Variants in MYO15A observed in about 807,000 individuals in gnomAD.
The protein encoded by MYO15A is myosin XVA.
MYO15A carries 308 observed loss-of-function variants against 394.6 expected under a neutral mutation model. The observed-to-expected ratio is 0.78, with a 90% CI of 0.71 to 0.86. The LOEUF is 0.86. Ranked by LOEUF, MYO15A falls within the 40% of genes least tolerant of loss-of-function variation. The pLI, the probability that MYO15A is intolerant of heterozygous loss-of-function variation, is 0.00. For synonymous variants in MYO15A, 1,957 were observed against 2,003.8 expected, an observed-to-expected ratio of 0.98 and a Z score of 0.62; for missense variants, 4,606 against 4,799.1, an observed-to-expected ratio of 0.96 and a Z score of 1.19.
At chr17:18,161,221 TGA>T (rs1198365540) in intron 56 of MYO15A, 94 bp from the exon 57 acceptor site, 1 of 1,509,120 alleles carries the variant, frequency 6.6e-7, no homozygotes, top group Non-Finnish European at 9.0e-7. Flanking sequence ...AGGAGCTGCC[TGA>T]GAGTTGGAAT....
chr17:18,122,606 C>G (rs2045960055), intron 2 of MYO15A, 197 bp downstream of exon 2: 5 of 753,684 alleles, frequency 6.6e-6, no homozygotes, highest in Non-Finnish European at 6.2e-6. Flanking sequence ...ATGCCCAGCA[C>G]AGGCAGGCCC....
chr17:18,120,403 C>T lies in MYO15A; in HGVS notation c.1603C>T (p.Leu535Phe), dbSNP rs868815862. The T allele has an allele frequency of 3.1e-6, 5 of 1,607,262 alleles. No individual in the cohort carries two copies. The highest frequency in any genetic ancestry group is 4.2e-6 in the Non-Finnish European group (5 of 1,178,162). ...VPYGHPFWGF[L>F]TPRQRNLQRA... ...CTACGGCCACCCTTTCTGGGGCTTC[C>T]TCACGCCGCGCCAGCGCAACCTCCA... The change falls in exon 2 of 66, where the codon CTC (leucine) becomes TTC (phenylalanine). Residue 535 changes from leucine to phenylalanine, a missense_variant. Leu to Phe is a conservative substitution (Grantham distance 22, BLOSUM62 0). Transcript: ENST00000647165.
intron 29 of MYO15A, 89 bp downstream of exon 29, chr17:18,144,681 C>G (rs2046445147): frequency 7.9e-7 from 1 of 1,266,846 alleles, no homozygotes; most frequent in African/African-American, 1.5e-5. Context: ...CAGCCCTCCC[C>G]AAGCCCAACC....
At chr17:18,149,855 A>G in intron 35 of MYO15A, 1 of 453,914 alleles carries the variant, frequency 2.2e-6, no homozygotes. Flanking sequence ...TAGGAGGCTG[A>G]GATGGGAGGA....
chr17:18,157,940 G>T, intron 51 of MYO15A, 40 bp downstream of exon 51: 1 of 1,431,542 alleles, frequency 7.0e-7, no homozygotes, highest in Non-Finnish European at 9.2e-7. Context: ...GGTAGACCAG[G>T]GGGAAGGGGC....
intron 61 of MYO15A, 138 bp downstream of exon 61, chr17:18,166,659 C>T: frequency 8.3e-7 from 1 of 1,208,232 alleles, no homozygotes; most frequent in Non-Finnish European, 1.2e-6. Flanking sequence ...TGTCTCTGCT[C>T]CCCTATGTGG....
rs2046667751 is a variant in MYO15A at position 18,155,972 on chromosome 17, G to A, written c.8460-223G>A. The stretch of plus-strand genomic sequence containing the variant: ...CTTGGACCAAGGGACAAAGGGTGGA[G>A]AGGGGCCGGAGTGTCAGCCCAAAGG... On this transcript the variant is annotated intron_variant, in intron 47 of 65. Coordinates refer to ENST00000647165, the MANE Select transcript of MYO15A (RefSeq NM_016239.4). The A allele has an allele frequency of 2.2e-5, 13 of 601,930 alleles. No individual in the cohort carries two copies. In the South Asian group the frequency reaches 2.5e-4, roughly 11 times the overall value. 37.3% of individuals were successfully genotyped at this position (601,930 alleles called of 1,614,324 possible). A position where few individuals can be genotyped will look rare whatever the true frequency, so the allele number is the denominator to read the frequency against.
intron 50 of MYO15A, chr17:18,157,448 G>C: frequency 1.1e-6 from 1 of 906,420 alleles, no homozygotes; most frequent in Non-Finnish European, 1.7e-6. Flanking sequence ...CATGTTTGTG[G>C]CCTGAATCTC....
chr17:18,120,286 C>T lies in MYO15A; in HGVS notation c.1486C>T (p.Pro496Ser). Reference sequence around the variant, plus strand: ...GTTTGGGAAGGAGAAGCTGGAGGTGCCCCTGCCACCCTCTCTGGACATTCC... The same window carrying T: ...GTTTGGGAAGGAGAAGCTGGAGGTGTCCCTGCCACCCTCTCTGGACATTCC... ...KLFGKEKLEVPLPPSLDIPLP... is the reference protein window; with the variant it reads ...KLFGKEKLEVSLPPSLDIPLP... Residue 496 changes from proline (P) to serine (S), a missense_variant, in exon 2 of 66, where the codon CCC (proline) becomes TCC (serine). Physicochemically the swap from Pro to Ser is moderately conservative, Grantham distance 74. This residue lies in a region of MYO15A where 1,830 missense variants were observed against 1,689.7 expected (regional missense o/e 1.08). Coordinates refer to ENST00000647165, the MANE Select transcript of MYO15A (RefSeq NM_016239.4). The T allele has an allele frequency of 6.2e-7, 1 of 1,611,818 alleles. No individual in the cohort carries two copies. Among genetic ancestry groups the T allele is most frequent in the Non-Finnish European group, 8.5e-7 (1 of 1,179,822 alleles).
At chr17:18,158,470 G>A in intron 51 of MYO15A, 53 bp from the exon 52 acceptor site, 1 of 1,522,346 alleles carries the variant, frequency 6.6e-7, no homozygotes, top group Non-Finnish European at 9.1e-7. Context: ...TTGACCGAAG[G>A]GCTAGGCGTG....
At chr17:18,138,012 G>C (rs1231053677) in intron 16 of MYO15A, 103 bp from the exon 17 acceptor site, 2 of 1,467,986 alleles carry the variant, frequency 1.4e-6, no homozygotes, top group African/African-American at 2.8e-5. Flanking sequence ...TATGCAAGCA[G>C]AGGTGCTGCT....
rs765947562 is a variant in MYO15A at position 18,147,419 on chromosome 17, A to AC, written c.6510-608dup. ...CCCTCTCTAGCTACTGTGGGCCTGC[A>AC]CCAGTGCTGCTCTTGGCCAGGCTTA... On this transcript the variant is annotated intron_variant, in intron 30 of 65. Transcript: ENST00000647165. The surrounding 1 kb of genome is among the most constrained non-coding windows in gnomAD (Gnocchi z 4.4). Among the ~76,000 whole-genome samples, 17 of 152,128 alleles carry AC rather than the reference A, an allele frequency of 1.1e-4. No homozygotes were observed. Among genetic ancestry groups the AC allele is most frequent in the Non-Finnish European group, 1.6e-4 (11 of 68,010 alleles).
At chr17:18,112,870 C>T (rs866629234) in intron 1 of MYO15A, among the ~76,000 whole-genome samples, 11 of 150,226 alleles carry the variant, frequency 7.3e-5, no homozygotes, top group African/African-American at 2.7e-4. Context: ...TTTTTTGAAA[C>T]GGAGTCTCAC....
intron 11 of MYO15A, among the ~76,000 whole-genome samples, chr17:18,133,013 G>GGTCAACAGGTGACAACCCCT (rs2046195856): frequency 6.6e-6 from 1 of 152,202 alleles, no homozygotes; most frequent in African/African-American, 2.4e-5. Context: ...CAGCTGCAAA[G>GGTCAACAGGTGACAACCCCT]GTCAACAGGT....
At chr17:18,111,857 T>G (rs2045726220) in intron 1 of MYO15A, among the ~76,000 whole-genome samples, 1 of 152,182 alleles carries the variant, frequency 6.6e-6, no homozygotes, top group South Asian at 2.1e-4. Context: ...GCATCTACAC[T>G]CACAGATGAG....
chr17:18,156,167 G>C (rs780250863), intron 47 of MYO15A, 28 bp from the exon 48 acceptor site: 17 of 1,613,818 alleles, frequency 1.1e-5, no homozygotes, highest in Admixed American at 1.7e-5. Flanking sequence ...CTCTGGCAGG[G>C]GAGTCATGCC....
chr17:18,121,786 C>T lies in MYO15A; in HGVS notation c.2986C>T (p.Pro996Ser). The T allele has an allele frequency of 6.2e-7, 1 of 1,611,750 alleles. No individual in the cohort carries two copies. Among genetic ancestry groups the T allele is most frequent in the Non-Finnish European group, 8.5e-7 (1 of 1,179,270 alleles). The change falls in exon 2 of 66, where the codon CCG (proline) becomes TCG (serine). Residue 996 changes from proline to serine, a missense_variant. By Grantham distance (74) the Pro-to-Ser change is moderately conservative. Transcript: ENST00000647165. The surrounding 1 kb of genome is among the most constrained non-coding windows in gnomAD (Gnocchi z 5.3). ...GGTCTTCCTGGGCAGACACCATGAGCCGGGGCCTGGACAGCTCACCAAATC... is the reference window on the plus strand; with the variant it reads ...GGTCTTCCTGGGCAGACACCATGAGTCGGGGCCTGGACAGCTCACCAAATC... ...TRVFLGRHHE[P>S]GPGQLTKSAG...
chr17:18,157,790 G>A lies in MYO15A; in HGVS notation c.8857G>A (p.Ala2953Thr). The A allele has an allele frequency of 6.2e-7, 1 of 1,603,762 alleles. No homozygotes were observed. The highest frequency in any genetic ancestry group is 8.5e-7 in the Non-Finnish European group (1 of 1,179,408). Reference sequence around the variant, plus strand: ...TTCGGAGCTGGTGCAGCCCGCTGCTGCCCCCGACTTCCTGCAGCTGCCAAC... The same window carrying A: ...TTCGGAGCTGGTGCAGCCCGCTGCTACCCCCGACTTCCTGCAGCTGCCAAC... ...FPSELVQPAA[A>T]PDFLQLPTEP... Residue 2953 changes from alanine (A) to threonine (T), a missense_variant, in exon 51 of 66, where the codon GCC becomes ACC. By Grantham distance (58) the Ala-to-Thr change is moderately conservative. Around this residue, in one of 2 missense-constraint regions of MYO15A, gnomAD observed 2,776 missense variants for 3,109.3 expected, o/e 0.89. Transcript: ENST00000647165.
Position 18,148,769 on chromosome 17 carries a change from C to A in MYO15A, c.6773C>A (p.Ala2258Glu). Residue 2258 changes from alanine (A) to glutamate (E), a missense_variant, in exon 33 of 66, where the codon GCA becomes GAA. Around this residue, in one of 2 missense-constraint regions of MYO15A, gnomAD observed 2,776 missense variants for 3,109.3 expected, o/e 0.89. Coordinates refer to ENST00000647165, the MANE Select transcript of MYO15A (RefSeq NM_016239.4). The surrounding 1 kb of genome is among the most constrained non-coding windows in gnomAD (Gnocchi z 4.8). Reference protein sequence around the residue: ...AGDILRHRGLADGWRGWTVAM... With the variant: ...AGDILRHRGLEDGWRGWTVAM... The stretch of plus-strand genomic sequence containing the variant: ...GTGCATGCCATCACCAGGGGGCTGG[C>A]AGATGGCTGGCGCGGCTGGACCGTG... The A allele has an allele frequency of 6.3e-7, 1 of 1,598,970 alleles. No homozygotes were observed. The highest frequency in any genetic ancestry group is 8.5e-7 in the Non-Finnish European group (1 of 1,172,190).
Sources: allele counts gnomAD v4.1 joint callset (sites outside exome capture counted in the v4.1 genomes callset), GRCh38; gene constraint gnomAD v4.1.1; regional missense constraint gnomAD v4.1.1; non-coding constraint Gnocchi (gnomAD v3.1); transcripts MANE v1.5; gene names NCBI Gene and HGNC (gene_info 2026-07-23, HGNC 2026-07-21).